FGF12: variants seen among roughly 807,000 people sequenced by gnomAD.
FGF12 encodes the protein fibroblast growth factor 12.
FGF12 carries 14 observed loss-of-function variants against 23.6 expected under a neutral mutation model. The observed-to-expected ratio is 0.59, with a 90% CI of 0.39 to 0.93. The LOEUF (loss-of-function observed/expected upper bound fraction) is 0.93, where lower values mean the gene tolerates loss of function less well. FGF12 is among the 40% of genes least tolerant of loss of function. FGF12 has a pLI of 0.00. For missense variants in FGF12, 175 were observed against 217.8 expected (o/e 0.80, Z 1.24); for synonymous variants, 62 against 77.3 (o/e 0.80, Z 1.04).
chr3:192,385,702 G>C (rs1034169232), intron 2 of FGF12, among the ~76,000 whole-genome samples: 1 of 152,114 alleles, frequency 6.6e-6, no homozygotes, highest in Admixed American at 6.5e-5. Flanking sequence ...CAGCCTTGGT[G>C]AACCTTCAGG....
intron 2 of FGF12, among the ~76,000 whole-genome samples, chr3:192,606,692 A>G (rs1714351245): frequency 1.3e-5 from 2 of 152,148 alleles, no homozygotes; most frequent in Admixed American, 1.3e-4. Context: ...ACACAGGAAG[A>G]AACAAGGCTT....
chr3:192,436,961 A>C (rs903839058), intron 2 of FGF12, among the ~76,000 whole-genome samples: 2 of 152,232 alleles, frequency 1.3e-5, no homozygotes, highest in African/African-American at 4.8e-5. Flanking sequence ...TGCTCACTCT[A>C]TGCTGTGCCA....
chr3:192,417,800 A>G (rs925490299), intron 2 of FGF12, among the ~76,000 whole-genome samples: 2 of 152,078 alleles, frequency 1.3e-5, no homozygotes, highest in African/African-American at 4.8e-5. Flanking sequence ...GTAAACCCAC[A>G]CCACTCTAGG....
intron 2 of FGF12, among the ~76,000 whole-genome samples, chr3:192,633,481 C>T (rs1715468102): frequency 1.3e-5 from 2 of 152,226 alleles, no homozygotes; most frequent in South Asian, 4.2e-4. Context: ...AAACACGATT[C>T]ATCACTACGG....
At chr3:192,483,192 G>T (rs1434202230) in intron 2 of FGF12, among the ~76,000 whole-genome samples, 3 of 152,026 alleles carry the variant, frequency 2.0e-5, no homozygotes, top group Non-Finnish European at 1.5e-5. Context: ...CTCCTTCTCT[G>T]CCTACCTAAC....
intron 2 of FGF12, among the ~76,000 whole-genome samples, chr3:192,532,283 G>T (rs1725107436): frequency 6.6e-6 from 1 of 151,988 alleles, no homozygotes; most frequent in African/African-American, 2.4e-5. Flanking sequence ...CTAGCTCTGT[G>T]AAGAATGCTG....
At chr3:192,659,390 C>T (rs1318770204) in intron 2 of FGF12, among the ~76,000 whole-genome samples, 1 of 152,128 alleles carries the variant, frequency 6.6e-6, no homozygotes, top group Non-Finnish European at 1.5e-5. Context: ...GAGCATGTGG[C>T]CTCATCCCCA....
intron 5 of FGF12, among the ~76,000 whole-genome samples, chr3:192,167,771 AATT>A (rs1560175809): frequency 4.7e-5 from 1 of 21,312 alleles, no homozygotes; most frequent in African/African-American, 1.7e-4. Flanking sequence ...ATATATATAA[AATT>A]TTTTTTTTTT....
At chr3:192,356,655 T>G (rs1360539896) in intron 3 of FGF12, among the ~76,000 whole-genome samples, 1 of 152,192 alleles carries the variant, frequency 6.6e-6, no homozygotes, top group African/African-American at 2.4e-5. Context: ...AACAGGTGTC[T>G]TTATCAATTC....
At chr3:192,361,128 C>T (rs1444718562) in intron 2 of FGF12, among the ~76,000 whole-genome samples, 3 of 119,794 alleles carry the variant, frequency 2.5e-5, no homozygotes, top group Admixed American at 1.2e-4. Flanking sequence ...AATACTTCAT[C>T]AGAGAGGAGC....
At chr3:192,196,561 A>G (rs906209046) in intron 4 of FGF12, among the ~76,000 whole-genome samples, 2 of 152,164 alleles carry the variant, frequency 1.3e-5, no homozygotes, top group South Asian at 2.1e-4. Context: ...GACAAAAAAA[A>G]AATCCCATCT....
intron 5 of FGF12, among the ~76,000 whole-genome samples, chr3:192,156,116 C>T (rs1477939343): frequency 6.6e-6 from 1 of 152,072 alleles, no homozygotes; most frequent in African/African-American, 2.4e-5. Context: ...GTGTTATGCA[C>T]TGGAGGCCAC....
intron 4 of FGF12, among the ~76,000 whole-genome samples, chr3:192,228,342 T>C (rs1303408571): frequency 6.6e-6 from 1 of 152,096 alleles, no homozygotes; most frequent in African/African-American, 2.4e-5. Flanking sequence ...AAATCCAGCT[T>C]CCCTGTGTCC....
chr3:192,636,661 G>A (rs933357842), intron 2 of FGF12, among the ~76,000 whole-genome samples: 1 of 152,152 alleles, frequency 6.6e-6, no homozygotes, highest in Non-Finnish European at 1.5e-5. Context: ...ATAGCTATTG[G>A]CTACTCTGCC....
At chr3:192,349,205 T>C (rs1489083245) in intron 3 of FGF12, among the ~76,000 whole-genome samples, 1 of 152,104 alleles carries the variant, frequency 6.6e-6, no homozygotes, top group Admixed American at 6.6e-5. Flanking sequence ...TGGACAAATC[T>C]ATACAACCTT....
intron 4 of FGF12, among the ~76,000 whole-genome samples, chr3:192,305,472 A>G (rs1715571573): frequency 6.6e-6 from 1 of 151,864 alleles, no homozygotes; most frequent in Non-Finnish European, 1.5e-5. Context: ...CAGATTCTAC[A>G]CGTCAGTTTG....
At chr3:192,554,486 T>G (rs542393122) in intron 2 of FGF12, among the ~76,000 whole-genome samples, 3 of 152,326 alleles carry the variant, frequency 2.0e-5, no homozygotes, top group Admixed American at 2.0e-4. Context: ...TGAATTTATA[T>G]GCACAAGTCC....
chr3:192,484,925 T>C (rs562113166), intron 2 of FGF12, among the ~76,000 whole-genome samples: 1 of 152,354 alleles, frequency 6.6e-6, no homozygotes, highest in African/African-American at 2.4e-5. Context: ...TAAGTCTACA[T>C]GTTTCAAGAT....
At chr3:192,375,450 G>A (rs1187130471) in intron 2 of FGF12, among the ~76,000 whole-genome samples, 1 of 152,052 alleles carries the variant, frequency 6.6e-6, no homozygotes, top group Non-Finnish European at 1.5e-5. Context: ...TAAAGGTGTA[G>A]TTTAACAAAA....
Sources: allele counts gnomAD v4.1 joint callset (sites outside exome capture counted in the v4.1 genomes callset), GRCh38; gene constraint gnomAD v4.1.1; transcripts MANE v1.5; gene names NCBI Gene and HGNC (gene_info 2026-07-23, HGNC 2026-07-21).